KMT2E: variants seen among roughly 807,000 people sequenced by gnomAD.
KMT2E encodes the protein histone reader KMT2E.
Under a neutral mutation model 184.6 loss-of-function variants are expected in KMT2E, and 30 were observed. The ratio of observed to expected loss-of-function variants is 0.16; its 90% confidence interval spans 0.12 to 0.22. The LOEUF (loss-of-function observed/expected upper bound fraction) is 0.22. KMT2E is among the 10% of genes least tolerant of loss of function. KMT2E has a pLI of 1.00. For missense variants in KMT2E, 2,023 were observed against 2,237.4 expected (o/e 0.90, Z 1.93); for synonymous variants, 815 against 776.5 (o/e 1.05, Z -0.82).
chr7:105,018,872 T>C (rs1794827681), intron 1 of KMT2E, among the ~76,000 whole-genome samples: 1 of 152,164 alleles, frequency 6.6e-6, no homozygotes. Context: ...GAAATTGTTT[T>C]CTACACTAAA....
chr7:105,024,697 C>T (rs1390671213), intron 1 of KMT2E, among the ~76,000 whole-genome samples: 2 of 152,040 alleles, frequency 1.3e-5, no homozygotes, highest in African/African-American at 4.8e-5. Flanking sequence ...ATGATTTTCC[C>T]AAGGTCGTAA....
chr7:105,060,198 T>C (rs1035632853), intron 3 of KMT2E, among the ~76,000 whole-genome samples: 31 of 151,888 alleles, frequency 2.0e-4, no homozygotes, highest in Non-Finnish European at 3.5e-4. Context: ...TTTCACCATC[T>C]TGGCCAGGCT....
rs543092880 is a variant in KMT2E at position 105,066,711 on chromosome 7, CTT to C, written c.417-5_417-4del. ...CTTAAATAATATTACATATGTTCTGCTTTTTTTTTTTTAAGCGTTTGGCAACA... is the reference window on the plus strand; with the variant it reads ...CTTAAATAATATTACATATGTTCTGCTTTTTTTTTTAAGCGTTTGGCAACA... On this transcript the variant is annotated splice_polypyrimidine_tract_variant and intron_variant, in intron 5 of 26. Coordinates refer to ENST00000311117, the MANE Select transcript of KMT2E (RefSeq NM_182931.3). 4.4e-4 allele frequency: 542 copies of C among 1,223,088 alleles called. No individual in the cohort carries two copies. The highest frequency in any genetic ancestry group is 5.6e-4 in the Admixed American group (28 of 49,772). The allele number at this position is 1,223,088 out of a possible 1,614,324, so 75.8% of individuals were successfully genotyped here.
At chr7:105,081,935 A>G (rs913229790) in intron 13 of KMT2E, 138 bp downstream of exon 13, 49 of 492,346 alleles carry the variant, frequency 1.0e-4, no homozygotes, top group Admixed American at 1.5e-4. Flanking sequence ...CTTGAAAACC[A>G]GAAGTTTAGT....
At chr7:105,033,140 G>A (rs1305800323) in intron 1 of KMT2E, among the ~76,000 whole-genome samples, 3 of 152,168 alleles carry the variant, frequency 2.0e-5, no homozygotes, top group South Asian at 2.1e-4. Context: ...TCTTAGTACA[G>A]CACTTCAAGT....
intron 1 of KMT2E, among the ~76,000 whole-genome samples, chr7:105,023,789 TAA>T (rs1795060560): frequency 6.6e-6 from 1 of 152,176 alleles, no homozygotes; most frequent in South Asian, 2.1e-4. Flanking sequence ...TGGAAAACAT[TAA>T]GATAGGTTAT....
chr7:105,107,020 G>A (rs949598182), intron 20 of KMT2E, 146 bp from the exon 21 acceptor site: 2 of 626,674 alleles, frequency 3.2e-6, no homozygotes, highest in Non-Finnish European at 5.4e-6. Context: ...TCTTAAAGCA[G>A]TCTTATTTGG....
At chr7:105,102,355 T>C (rs911419965) in intron 17 of KMT2E, 161 bp downstream of exon 17, 2 of 545,140 alleles carry the variant, frequency 3.7e-6, no homozygotes, top group Non-Finnish European at 6.2e-6. Flanking sequence ...AACTGTAAAA[T>C]TAATATAAAT....
intron 2 of KMT2E, among the ~76,000 whole-genome samples, chr7:105,038,977 A>T (rs1795776226): frequency 6.6e-6 from 1 of 152,128 alleles, no homozygotes; most frequent in Non-Finnish European, 1.5e-5. Context: ...AGATGTGATG[A>T]TGTATCTTTG....
At chr7:105,107,250 T>C (rs909550330) in intron 21 of KMT2E, 28 bp downstream of exon 21, 2 of 1,521,232 alleles carry the variant, frequency 1.3e-6, no homozygotes, top group Non-Finnish European at 1.8e-6. Context: ...AAAGGGTGAA[T>C]TGGTAGTTTT....
At chr7:105,074,891 AGT>A (rs1247548833) in intron 8 of KMT2E, 76 bp downstream of exon 8, 9 of 1,078,640 alleles carry the variant, frequency 8.3e-6, no homozygotes, top group Non-Finnish European at 1.1e-5. Context: ...GAGGCAGGAG[AGT>A]GAGAATAATC....
intron 6 of KMT2E, among the ~76,000 whole-genome samples, chr7:105,071,608 ATTT>A (rs869055986): frequency 2.8e-3 from 88 of 31,632 alleles, no homozygotes; most frequent in South Asian, 8.1e-3. Context: ...ATATATATAT[ATTT>A]TTTTTTTTTT....
intron 1 of KMT2E, among the ~76,000 whole-genome samples, chr7:105,019,681 A>G (rs1448623349): frequency 6.6e-6 from 1 of 152,222 alleles, no homozygotes; most frequent in Admixed American, 6.5e-5. Context: ...GTGATAAGCA[A>G]TGATCTATGT....
Position 105,111,864 on chromosome 7 carries a change from G to A in KMT2E, c.4108G>A (p.Gly1370Arg), listed in dbSNP as rs780221426. The A allele has an allele frequency of 1.4e-5, 22 of 1,613,778 alleles. No individual in the cohort carries two copies. Among genetic ancestry groups the A allele is most frequent in the Admixed American group, 6.7e-5 (4 of 59,964 alleles). Residue 1370 changes from glycine to arginine, a missense_variant, in exon 27 of 27, where the codon GGG (glycine) becomes AGG (arginine). Around this residue, in one of 8 missense-constraint regions of KMT2E, gnomAD observed 1,108 missense variants for 1,050.9 expected, o/e 1.05. Transcript: ENST00000311117. ...PGSVIPAQAH[G>R]KIFTKPDPQW... is the part of the protein sequence containing the mutation. ...ATCTGTAATTCCTGCTCAAGCACAC[G>A]GGAAAATATTCACAAAACCAGATCC...
intron 3 of KMT2E, among the ~76,000 whole-genome samples, chr7:105,054,104 G>A (rs1796460746): frequency 6.6e-6 from 1 of 151,950 alleles, no homozygotes; most frequent in South Asian, 2.1e-4. Context: ...CCCGGGAGGT[G>A]GAGCTTGTAG....
chr7:105,022,705 A>G (rs930132885), intron 1 of KMT2E, among the ~76,000 whole-genome samples: 1 of 152,128 alleles, frequency 6.6e-6, no homozygotes. Context: ...GTTGGTTGTA[A>G]ATACACGAAG....
intron 13 of KMT2E, among the ~76,000 whole-genome samples, chr7:105,082,539 T>C (rs748066789): frequency 1.3e-4 from 19 of 151,976 alleles, no homozygotes; most frequent in Non-Finnish European, 2.5e-4. Flanking sequence ...TAAGTGGAAG[T>C]GGATTATCGT....
intron 3 of KMT2E, among the ~76,000 whole-genome samples, chr7:105,045,787 T>A (rs1196604047): frequency 1.3e-5 from 2 of 152,244 alleles, no homozygotes; most frequent in Non-Finnish European, 2.9e-5. Flanking sequence ...CTCCCTGTTT[T>A]AAATTCTTTT....
At chr7:105,088,487 A>T (rs1798074515) in intron 13 of KMT2E, among the ~76,000 whole-genome samples, 1 of 152,256 alleles carries the variant, frequency 6.6e-6, no homozygotes. Flanking sequence ...TTAGACACTT[A>T]ATAAGTAAAT....
Sources: allele counts gnomAD v4.1 joint callset (sites outside exome capture counted in the v4.1 genomes callset), GRCh38; gene constraint gnomAD v4.1.1; regional missense constraint gnomAD v4.1.1; transcripts MANE v1.5; gene names NCBI Gene and HGNC (gene_info 2026-07-23, HGNC 2026-07-21).